GADL1: variants seen among roughly 807,000 people sequenced by gnomAD.
GADL1 encodes the protein acidic amino acid decarboxylase GADL1.
In GADL1, 71 loss-of-function variants were observed where a neutral mutation model predicts 69.5. That is an observed-to-expected ratio of 1.02 (90% CI 0.84 to 1.25). The LOEUF is 1.25. GADL1 is among the 50% of genes most tolerant of loss of function. The probability of loss-of-function intolerance (pLI) is 0.00; values close to 1 mark genes in which losing one functional copy is unlikely to be tolerated. For synonymous variants in GADL1, 254 were observed against 214.4 expected, an observed-to-expected ratio of 1.18 and a Z score of -1.62; for missense variants, 737 against 631.8, an observed-to-expected ratio of 1.17 and a Z score of -1.79.
At chr3:30,885,793 G>A (rs1368653147) in intron 1 of GADL1, among the ~76,000 whole-genome samples, 1 of 151,124 alleles carries the variant, frequency 6.6e-6, no homozygotes, top group Admixed American at 6.6e-5. Context: ...TTTTAATAGA[G>A]GTGAGATCTC....
chr3:30,748,290 G>T (rs1350566316), intron 14 of GADL1, among the ~76,000 whole-genome samples: 6 of 152,112 alleles, frequency 3.9e-5, no homozygotes, highest in African/African-American at 1.4e-4. Context: ...TATTTTAAAT[G>T]GTTCTGAAAT....
intron 11 of GADL1, among the ~76,000 whole-genome samples, chr3:30,813,214 A>G (rs189469968): frequency 3.3e-5 from 5 of 152,340 alleles, no homozygotes; most frequent in Non-Finnish European, 5.9e-5. Flanking sequence ...TAACATTTTC[A>G]TTCATCTGCA....
At chr3:30,756,461 C>G (rs6550023) in intron 14 of GADL1, among the ~76,000 whole-genome samples, 62,943 of 151,998 alleles carry the variant, frequency 0.41, 13,567 homozygotes, top group East Asian at 0.51. Context: ...ATCCTTCTAC[C>G]ACTTTTTGCA....
At chr3:30,884,049 C>T (rs1247849984) in intron 1 of GADL1, among the ~76,000 whole-genome samples, 1 of 151,924 alleles carries the variant, frequency 6.6e-6, no homozygotes, top group East Asian at 1.9e-4. Flanking sequence ...GCTTCCACGT[C>T]TTAGTCTACA....
chr3:30,728,906 T>C (rs1456274500), intron 14 of GADL1, among the ~76,000 whole-genome samples: 3 of 152,150 alleles, frequency 2.0e-5, no homozygotes, highest in Non-Finnish European at 1.5e-5. Flanking sequence ...CTTCCAGTTG[T>C]CTACCAAGAA....
At chr3:30,850,743 G>A (rs1698134159) in intron 5 of GADL1, 92 bp downstream of exon 5, 1 of 696,240 alleles carries the variant, frequency 1.4e-6, no homozygotes, top group African/African-American at 1.8e-5. Flanking sequence ...CCAACTTTTT[G>A]TCGTGTATAA....
intron 1 of GADL1, among the ~76,000 whole-genome samples, chr3:30,872,052 G>T (rs1156355206): frequency 2.0e-5 from 3 of 151,866 alleles, no homozygotes; most frequent in African/African-American, 4.8e-5. Flanking sequence ...GTATATCTTA[G>T]ATTGTCATAT....
intron 14 of GADL1, among the ~76,000 whole-genome samples, chr3:30,762,294 A>G (rs1696156845): frequency 6.6e-6 from 1 of 152,156 alleles, no homozygotes; most frequent in Non-Finnish European, 1.5e-5. Flanking sequence ...AAGTGAGGAC[A>G]TATGCTTTAA....
intron 1 of GADL1, among the ~76,000 whole-genome samples, chr3:30,864,165 A>G (rs562670852): frequency 6.6e-6 from 1 of 152,178 alleles, no homozygotes; most frequent in African/African-American, 2.4e-5. Context: ...GGCCCTAAAA[A>G]TAGAGTAAGA....
At chr3:30,860,439 T>C (rs1698303703) in intron 2 of GADL1, among the ~76,000 whole-genome samples, 1 of 151,912 alleles carries the variant, frequency 6.6e-6, no homozygotes, top group Non-Finnish European at 1.5e-5. Context: ...TGTACTCCAA[T>C]GTAAAGCAGA....
chr3:30,884,321 C>T (rs1698677506), intron 1 of GADL1, among the ~76,000 whole-genome samples: 1 of 152,008 alleles, frequency 6.6e-6, no homozygotes, highest in Non-Finnish European at 1.5e-5. Flanking sequence ...ATATACTTTT[C>T]AAAAATTAGC....
At chr3:30,785,506 C>A (rs758475744) in intron 13 of GADL1, among the ~76,000 whole-genome samples, 3 of 151,804 alleles carry the variant, frequency 2.0e-5, no homozygotes, top group African/African-American at 4.8e-5. Context: ...CTCAGCCTCC[C>A]GAGTAGCTGG....
At chr3:30,812,683 TTG>T (rs1444915746) in intron 11 of GADL1, among the ~76,000 whole-genome samples, 7 of 152,128 alleles carry the variant, frequency 4.6e-5, no homozygotes, top group Non-Finnish European at 1.0e-4. Flanking sequence ...GAAGAAAAAC[TTG>T]TGTTCAGAAG....
rs779050948 is a variant in GADL1, at chr3:30,800,989, A to G, written c.1150T>C (p.Cys384Arg). 1.2e-6 allele frequency: 2 copies of G among 1,614,004 alleles called. No individual in the cohort carries two copies. Among genetic ancestry groups the G allele is most frequent in the Non-Finnish European group, 1.7e-6 (2 of 1,179,920 alleles). ...TTGAATGCATCTGGTCTTCTGCTAC[A>G]CTGGATAGACTTGTCTCCTGTGTCA... ...SYDTGDKSIQ[C>R]SRRPDAFKFW... Residue 384 changes from cysteine to arginine, a missense_variant, in exon 12 of 15, where the codon TGT becomes CGT. Physicochemically the swap from Cys to Arg is radical, Grantham distance 180. Coordinates refer to ENST00000282538, the MANE Select transcript of GADL1 (RefSeq NM_207359.3).
At chr3:30,824,752 T>C (rs1408001865) in intron 11 of GADL1, among the ~76,000 whole-genome samples, 3 of 150,868 alleles carry the variant, frequency 2.0e-5, no homozygotes, top group African/African-American at 7.4e-5. Context: ...TATTATTTGG[T>C]ATAACTACAG....
chr3:30,824,460 G>A (rs1398408114), intron 11 of GADL1, among the ~76,000 whole-genome samples: 1 of 151,682 alleles, frequency 6.6e-6, no homozygotes, highest in Non-Finnish European at 1.5e-5. Flanking sequence ...AATTATTCCG[G>A]ATGGAACCTT....
chr3:30,879,383 C>T (rs562064847), intron 1 of GADL1, among the ~76,000 whole-genome samples: 104 of 151,980 alleles, frequency 6.8e-4, no homozygotes, highest in African/African-American at 2.4e-3. Context: ...AATTAATCTA[C>T]CTTCCTCTGA....
chr3:30,736,455 A>G (rs1695542980), intron 14 of GADL1, among the ~76,000 whole-genome samples: 1 of 152,162 alleles, frequency 6.6e-6, no homozygotes, highest in South Asian at 2.1e-4. Context: ...TTGGCATACT[A>G]GGCACTCACT....
chr3:30,840,504 C>A (rs976298940), intron 8 of GADL1, among the ~76,000 whole-genome samples: 5 of 152,128 alleles, frequency 3.3e-5, no homozygotes, highest in Non-Finnish European at 5.9e-5. Flanking sequence ...AAACTACTGA[C>A]AACTATGGCT....
Sources: gnomAD v4.1 joint callset for allele counts (sites outside exome capture counted in the v4.1 genomes callset) on GRCh38, gnomAD v4.1.1 for gene constraint, MANE v1.5 for transcripts, NCBI Gene and HGNC (gene_info 2026-07-23, HGNC 2026-07-21) for gene names.